The following C8B variants were observed in gnomAD, a reference collection of about 807,000 sequenced individuals.
C8B encodes the protein complement C8 beta chain, also known as complement component C8 beta chain.
In C8B, 67 loss-of-function variants were observed where a neutral mutation model predicts 64.6. The ratio of observed to expected loss-of-function variants is 1.04; its 90% CI spans 0.85 to 1.27. The LOEUF (loss-of-function observed/expected upper bound fraction) is 1.27. Among genes scored for constraint, C8B ranks in the 50% most tolerant of loss-of-function variants. The pLI is 0.00. For missense variants in C8B, 790 were observed against 725.2 expected, an observed-to-expected ratio of 1.09 and a Z score of -1.03; for synonymous variants, 284 against 257.7, an observed-to-expected ratio of 1.10 and a Z score of -0.98.
intron 8 of C8B, among the ~76,000 whole-genome samples, chr1:56,942,596 T>G (rs1288665868): frequency 2.0e-5 from 3 of 152,022 alleles, no homozygotes; most frequent in Non-Finnish European, 2.9e-5. Flanking sequence ...TCCCAGCTTT[T>G]GGGAGGCTGA....
chr1:56,950,122 G>A (rs997772052), intron 5 of C8B, among the ~76,000 whole-genome samples: 6 of 152,170 alleles, frequency 3.9e-5, no homozygotes, highest in African/African-American at 1.4e-4. Flanking sequence ...TTGAAACAGC[G>A]AGGAGAAAAA....
intron 8 of C8B, among the ~76,000 whole-genome samples, chr1:56,941,535 TAG>T (rs1644860298): frequency 7.6e-6 from 1 of 132,026 alleles, no homozygotes; most frequent in Non-Finnish European, 1.7e-5. Context: ...GATAGATAGA[TAG>T]ATAGATAGAT....
chr1:56,956,200 C>T (rs377337645), intron 3 of C8B, among the ~76,000 whole-genome samples: 1 of 152,208 alleles, frequency 6.6e-6, no homozygotes, highest in South Asian at 2.1e-4. Context: ...CCTATGTAAC[C>T]GTTCTAGGTT....
Position 56,952,056 on chromosome 1 carries a change from T to C in C8B, c.658A>G (p.Thr220Ala). The change falls in exon 5 of 12, where the codon ACG becomes GCG. Residue 220 changes from threonine (T) to alanine (A), a missense_variant. Coordinates refer to ENST00000371237, the MANE Select transcript of C8B (RefSeq NM_000066.4). The stretch of plus-strand genomic sequence containing the variant: ...ACCTGGCTGTCTCTTACCTGTGGCG[T>C]GTAGCTTTCCACATTGTAGGGCTTC... Reference protein sequence around the residue: ...FRKPYNVESYTPQTQGKYEFI... With the variant: ...FRKPYNVESYAPQTQGKYEFI... 6.2e-7 allele frequency: 1 copy of C among 1,614,058 alleles called. No homozygotes were observed. Among genetic ancestry groups the C allele is most frequent in the African/African-American group, 1.3e-5 (1 of 75,054 alleles).
At chr1:56,937,522 C>T (rs1195692689) in intron 9 of C8B, among the ~76,000 whole-genome samples, 3 of 152,172 alleles carry the variant, frequency 2.0e-5, no homozygotes, top group African/African-American at 4.8e-5. Context: ...ATAATTCATA[C>T]AATGGCTTCT....
At chr1:56,959,906 C>T (rs184103171) in intron 2 of C8B, 114 bp downstream of exon 2, 32 of 1,168,682 alleles carry the variant, frequency 2.7e-5, no homozygotes, top group East Asian at 1.9e-4. Flanking sequence ...TTAAGTTAGC[C>T]GACATTTATT....
At chr1:56,949,911 C>A (rs1392356947) in intron 5 of C8B, among the ~76,000 whole-genome samples, 159 bp from the exon 6 acceptor site, 1 of 152,138 alleles carries the variant, frequency 6.6e-6, no homozygotes, top group Non-Finnish European at 1.5e-5. Context: ...CACCTCAGGG[C>A]TCTTGGTTCA....
intron 1 of C8B, 107 bp from the exon 2 acceptor site, chr1:56,960,283 AGGCT>A: frequency 9.7e-7 from 1 of 1,026,922 alleles, no homozygotes; most frequent in Non-Finnish European, 1.5e-6. Context: ...CACTTGTGCA[AGGCT>A]ATTAGTTTAT....
At chr1:56,939,258 C>G (rs577386252) in intron 9 of C8B, among the ~76,000 whole-genome samples, 1 of 152,356 alleles carries the variant, frequency 6.6e-6, no homozygotes, top group East Asian at 1.9e-4. Context: ...GTCACCATGG[C>G]ATCGGCCAAG....
At chr1:56,942,519 A>G (rs116051718) in intron 8 of C8B, among the ~76,000 whole-genome samples, 7,937 of 152,092 alleles carry the variant, frequency 0.052, 390 homozygotes, top group African/African-American at 0.12. Context: ...CTGGCCAACA[A>G]CATGGCGAAA....
chr1:56,949,455 T>G (rs1644988519), intron 6 of C8B, 100 bp downstream of exon 6: 1 of 1,148,484 alleles, frequency 8.7e-7, no homozygotes, highest in African/African-American at 1.5e-5. Context: ...CAAGTAAATG[T>G]CTTTTCTTTA....
chr1:56,933,160 C>T (rs1424242276), intron 10 of C8B, among the ~76,000 whole-genome samples, 175 bp downstream of exon 10: 1 of 152,174 alleles, frequency 6.6e-6, no homozygotes, highest in Non-Finnish European at 1.5e-5. Flanking sequence ...CTTAATGATG[C>T]TGTCACCCAC....
chr1:56,960,298 C>A (rs1645159887), intron 1 of C8B, 122 bp from the exon 2 acceptor site: 2 of 871,822 alleles, frequency 2.3e-6, no homozygotes, highest in East Asian at 5.0e-5. Context: ...ATTAGTTTAT[C>A]ATTCCAGGAT....
chr1:56,932,580 TA>T (rs1417784415), intron 10 of C8B, among the ~76,000 whole-genome samples: 1 of 152,158 alleles, frequency 6.6e-6, no homozygotes, highest in African/African-American at 2.4e-5. Context: ...AACCCTCACA[TA>T]GGGGTCCTTG....
chr1:56,940,914 T>C lies in C8B; in HGVS notation c.1333A>G (p.Thr445Ala). ...ITTLAYQELP[T>A]ADLMQEWGDA... is the part of the protein sequence containing the mutation. ...CCCCACTCCTGCATCAGGTCCGCCGTCGGCAGCTCCTGGTATGCCAGGGTG... is the reference window on the plus strand; with the variant it reads ...CCCCACTCCTGCATCAGGTCCGCCGCCGGCAGCTCCTGGTATGCCAGGGTG... Residue 445 changes from threonine (T) to alanine (A), a missense_variant, in exon 9 of 12, where the codon ACG becomes GCG. Transcript: ENST00000371237. 1 of 1,614,104 alleles carries C rather than the reference T, an allele frequency of 6.2e-7. No homozygotes were observed. The highest frequency in any genetic ancestry group is 8.5e-7 in the Non-Finnish European group (1 of 1,180,020).
At chr1:56,935,462 T>C (rs770375169) in intron 9 of C8B, among the ~76,000 whole-genome samples, 1 of 152,188 alleles carries the variant, frequency 6.6e-6, no homozygotes, top group Non-Finnish European at 1.5e-5. Context: ...ACATTGATCA[T>C]TGGATCCTCA....
At chr1:56,957,490 G>A (rs1000436311) in intron 2 of C8B, among the ~76,000 whole-genome samples, 17 of 152,248 alleles carry the variant, frequency 1.1e-4, no homozygotes, top group African/African-American at 3.9e-4. Flanking sequence ...TAGGGATCAC[G>A]AATTATCTAA....
intron 8 of C8B, among the ~76,000 whole-genome samples, chr1:56,942,851 G>A (rs1354673850): frequency 1.3e-5 from 2 of 151,886 alleles, no homozygotes; most frequent in East Asian, 3.9e-4. Context: ...CTTGTAGATG[G>A]CTTGAGCCCA....
At chr1:56,960,312 C>T in intron 1 of C8B, 136 bp from the exon 2 acceptor site, 10 of 756,760 alleles carry the variant, frequency 1.3e-5, no homozygotes, top group Non-Finnish European at 2.3e-5. Flanking sequence ...CCAGGATAAC[C>T]TATCCTGGAA....
Sources: gnomAD v4.1 joint callset for allele counts (sites outside exome capture counted in the v4.1 genomes callset) on GRCh38, gnomAD v4.1.1 for gene constraint, MANE v1.5 for transcripts, NCBI Gene and HGNC (gene_info 2026-07-23, HGNC 2026-07-21) for gene names.